The following NIBAN2 variants were observed in gnomAD, a reference collection of about 807,000 sequenced individuals.
NIBAN2 encodes the protein niban apoptosis regulator 2.
In NIBAN2, 36 loss-of-function variants were observed where a neutral mutation model predicts 81.8. The observed-to-expected ratio is 0.44, with a 90% CI of 0.34 to 0.58. The LOEUF (loss-of-function observed/expected upper bound fraction) is 0.58, where lower values mean the gene tolerates loss of function less well. Ranked by LOEUF, NIBAN2 falls within the 20% of genes least tolerant of loss-of-function variation. NIBAN2 has a pLI of 0.02. For synonymous variants in NIBAN2, 445 were observed against 441.6 expected (o/e 1.01, Z -0.10); for missense variants, 897 against 1,014.1 (o/e 0.88, Z 1.57).
chr9:127,541,297 A>G (rs76378024), intron 1 of NIBAN2, among the ~76,000 whole-genome samples: 7,952 of 152,266 alleles, frequency 0.052, 712 homozygotes, highest in African/African-American at 0.18. Context: ...CTACTGTCAC[A>G]ATCGACACAC....
Position 127,548,953 on chromosome 9 carries a change from C to T in NIBAN2, c.56-17175G>A, listed in dbSNP as rs182822390. The stretch of plus-strand genomic sequence containing the variant: ...CCTCAGATGCCCAGGATAAGGGACC[C>T]TGGCGGGTAGGGAAGGCCTCATCAC... On this transcript the variant is annotated intron_variant, in intron 1 of 13. Coordinates refer to ENST00000373312, the MANE Select transcript of NIBAN2 (RefSeq NM_022833.4). Among the ~76,000 whole-genome samples, 80 of 152,308 alleles carry T rather than the reference C, an allele frequency of 5.3e-4. No individual in the cohort carries two copies. In the South Asian group the frequency reaches 8.1e-3, roughly 15 times the overall value.
intron 1 of NIBAN2, 71 bp from the exon 2 acceptor site, chr9:127,531,849 CAGG>C: frequency 6.3e-7 from 1 of 1,587,608 alleles, no homozygotes; most frequent in Non-Finnish European, 8.6e-7. Context: ...TTCCCCTAGG[CAGG>C]AGTGGCTGCA....
intron 2 of NIBAN2, among the ~76,000 whole-genome samples, chr9:127,529,155 C>G (rs970317516): frequency 6.6e-6 from 1 of 152,234 alleles, no homozygotes; most frequent in African/African-American, 2.4e-5. Context: ...TCCAATGCCT[C>G]GGTCAGAGAC....
chr9:127,527,901 T>G (rs1588164214), intron 2 of NIBAN2, among the ~76,000 whole-genome samples: 1 of 148,414 alleles, frequency 6.7e-6, no homozygotes, highest in Non-Finnish European at 1.5e-5. Flanking sequence ...TAAAAAGGAG[T>G]AGGGGGAATG....
At chr9:127,566,553 G>C (rs1259818883) in intron 1 of NIBAN2, among the ~76,000 whole-genome samples, 1 of 152,204 alleles carries the variant, frequency 6.6e-6, no homozygotes, top group Non-Finnish European at 1.5e-5. Flanking sequence ...AGGACTTGCA[G>C]GCAGGCTGGC....
Position 127,563,134 on chromosome 9 carries a change from G to T in NIBAN2, c.55+5686C>A, listed in dbSNP as rs2249702. Among the ~76,000 whole-genome samples, 28,627 of 152,082 alleles carry T rather than the reference G, an allele frequency of 0.19. 3,235 individuals carry two copies. Among genetic ancestry groups the T allele is most frequent in the East Asian group, 0.29 (1,474 of 5,158 alleles). ...AAAGGTCCCTTTGGCAGCGTGTGTG[G>T]GAAGGACTAGAGGCTCCGAGGAGGC... On this transcript the variant is annotated intron_variant, in intron 1 of 13. Transcript: ENST00000373312. This position sits in a 1 kb window ranked among gnomAD's most constrained non-coding sequence, Gnocchi z 4.1.
intron 1 of NIBAN2, among the ~76,000 whole-genome samples, chr9:127,552,479 A>G (rs1472893778): frequency 1.3e-5 from 2 of 152,084 alleles, no homozygotes; most frequent in Non-Finnish European, 2.9e-5. Context: ...TGGGAGGTTG[A>G]GGTGGGAGGA....
chr9:127,533,012 G>A lies in NIBAN2; in HGVS notation c.56-1234C>T, dbSNP rs1837212632. Among the ~76,000 whole-genome samples the A allele has an allele frequency of 3.3e-5, 5 of 152,276 alleles. No homozygotes were observed. In the South Asian group the frequency reaches 1.0e-3, roughly 32 times the overall value. Reference sequence around the variant, plus strand: ...ATCTCTACTAAAAATAGAAAAATTAGCCAGGCATGGTGGCGGGTACCTGTA... The same window carrying A: ...ATCTCTACTAAAAATAGAAAAATTAACCAGGCATGGTGGCGGGTACCTGTA... On this transcript the variant is annotated intron_variant, in intron 1 of 13. Coordinates refer to ENST00000373312, the MANE Select transcript of NIBAN2 (RefSeq NM_022833.4).
At chr9:127,543,453 C>T (rs1837418107) in intron 1 of NIBAN2, among the ~76,000 whole-genome samples, 1 of 152,198 alleles carries the variant, frequency 6.6e-6, no homozygotes, top group Non-Finnish European at 1.5e-5. Flanking sequence ...TGAACCTAGA[C>T]TCCACGGGCT....
chr9:127,575,217 T>A (rs1268116169), intron 1 of NIBAN2, among the ~76,000 whole-genome samples: 1 of 144,142 alleles, frequency 6.9e-6, no homozygotes, highest in Non-Finnish European at 1.5e-5. Context: ...TCACAGCTTA[T>A]GAAATATGGA....
rs1837284446 is a variant in NIBAN2 at position 127,536,649 on chromosome 9, C to G, written c.56-4871G>C. Among the ~76,000 whole-genome samples the G allele has an allele frequency of 6.6e-6, 1 of 152,178 alleles. No homozygotes were observed. The highest frequency in any genetic ancestry group is 1.5e-5 in the Non-Finnish European group (1 of 68,010). Reference sequence around the variant, plus strand: ...GACACCACACGCCACGGATTTGGGGCAGATGTTGGACAGGGCCTCCAACAC... The same window carrying G: ...GACACCACACGCCACGGATTTGGGGGAGATGTTGGACAGGGCCTCCAACAC... On this transcript the variant is annotated intron_variant, in intron 1 of 13. Transcript: ENST00000373312. This position sits in a 1 kb window ranked among gnomAD's most constrained non-coding sequence, Gnocchi z 4.0.
chr9:127,571,748 T>C (rs1837948370), upstream of NIBAN2, among the ~76,000 whole-genome samples: 1 of 151,790 alleles, frequency 6.6e-6, no homozygotes, highest in Non-Finnish European at 1.5e-5. Context: ...TTGTGAACAG[T>C]AGGGTGCTAT....
At chr9:127,578,556 G>A (rs1236811005) in intron 1 of NIBAN2, among the ~76,000 whole-genome samples, 1 of 151,788 alleles carries the variant, frequency 6.6e-6, no homozygotes, top group African/African-American at 2.4e-5. Flanking sequence ...CAGCTACTCA[G>A]GAGGCTGAGG....
intron 2 of NIBAN2, among the ~76,000 whole-genome samples, chr9:127,530,183 A>G (rs936236089): frequency 6.6e-6 from 1 of 152,220 alleles, no homozygotes; most frequent in Non-Finnish European, 1.5e-5. Context: ...GGGCCACAGC[A>G]GGCCCCTCTG....
rs530099802 is a variant in NIBAN2 at position 127,547,383 on chromosome 9, G to T, written c.56-15605C>A. Among the ~76,000 whole-genome samples, 6 of 152,260 alleles carry T rather than the reference G, an allele frequency of 3.9e-5. No individual in the cohort carries two copies. The South Asian group carries it at 1.2e-3, about 32-fold the overall frequency. On this transcript the variant is annotated intron_variant, in intron 1 of 13. Transcript: ENST00000373312. The stretch of plus-strand genomic sequence containing the variant: ...AATACAAAAATTAGCTAGGCATGGT[G>T]GCGCATGCCTATAATCCCAACTGCT...
In NIBAN2 at chr9:127,559,222, C is replaced by T. The variant is rs539034336; in HGVS notation, c.55+9598G>A. Among the ~76,000 whole-genome samples, 1 of 152,364 alleles carries T rather than the reference C, an allele frequency of 6.6e-6. No individual in the cohort carries two copies. The highest frequency in any genetic ancestry group is 1.9e-4 in the East Asian group (1 of 5,190). On this transcript the variant is annotated intron_variant, in intron 1 of 13. Coordinates refer to ENST00000373312, the MANE Select transcript of NIBAN2 (RefSeq NM_022833.4). This position sits in a 1 kb window ranked among gnomAD's most constrained non-coding sequence, Gnocchi z 4.0. The stretch of plus-strand genomic sequence containing the variant: ...TCACTGCTTTGTCCCCAGTTCCCAG[C>T]TCAGGCCAGGAACAGGACAGCTTTC...
intron 1 of NIBAN2, among the ~76,000 whole-genome samples, chr9:127,551,745 A>G (rs954223368): frequency 2.0e-5 from 3 of 152,050 alleles, no homozygotes; most frequent in Non-Finnish European, 2.9e-5. Context: ...AAAGAAAAAG[A>G]AAAGAACTAC....
intron 1 of NIBAN2, among the ~76,000 whole-genome samples, chr9:127,556,039 A>C: frequency 6.8e-6 from 1 of 147,688 alleles, no homozygotes; most frequent in African/African-American, 2.5e-5. Context: ...CCCTACCCGC[A>C]CCCCTCCATC....
chr9:127,515,933 T>C (rs1396473319), intron 8 of NIBAN2, among the ~76,000 whole-genome samples: 1 of 151,812 alleles, frequency 6.6e-6, no homozygotes, highest in Non-Finnish European at 1.5e-5. Context: ...AGCTCAGGCA[T>C]TTGAGACCAG....
Sources: allele counts gnomAD v4.1 joint callset (sites outside exome capture counted in the v4.1 genomes callset), GRCh38; gene constraint gnomAD v4.1.1; non-coding constraint Gnocchi (gnomAD v3.1); transcripts MANE v1.5; gene names NCBI Gene and HGNC (gene_info 2026-07-23, HGNC 2026-07-21).